GPC6: variants seen among roughly 807,000 people sequenced by gnomAD.
The protein encoded by GPC6 is glypican 6.
In GPC6, 14 loss-of-function variants were observed where a neutral mutation model predicts 55.2. The observed-to-expected ratio is 0.25, with a 90% CI of 0.17 to 0.40. The LOEUF is 0.40. Ranked by LOEUF, GPC6 falls within the 10% of genes least tolerant of loss-of-function variation. The pLI is 1.00. For synonymous variants in GPC6, 278 were observed against 259.6 expected (o/e 1.07, Z -0.68); for missense variants, 641 against 708.5 (o/e 0.90, Z 1.08).
intron 2 of GPC6, among the ~76,000 whole-genome samples, chr13:93,663,243 T>C (rs1229627193): frequency 6.6e-6 from 1 of 152,182 alleles, no homozygotes; most frequent in Non-Finnish European, 1.5e-5. Flanking sequence ...AATTTTCACA[T>C]GGAACTGTTC....
intron 2 of GPC6, among the ~76,000 whole-genome samples, chr13:93,596,151 C>A (rs1414033874): frequency 1.5e-4 from 22 of 150,944 alleles, no homozygotes; most frequent in Admixed American, 1.4e-3. Flanking sequence ...CAGACCAGGG[C>A]TAGGAGATGG....
chr13:93,313,149 T>C (rs1879131359), intron 1 of GPC6, among the ~76,000 whole-genome samples: 1 of 152,210 alleles, frequency 6.6e-6, no homozygotes, highest in Non-Finnish European at 1.5e-5. Context: ...TATTAGATGC[T>C]CTTGTTTTGT....
intron 6 of GPC6, among the ~76,000 whole-genome samples, chr13:94,364,845 A>C (rs1377682300): frequency 6.6e-6 from 1 of 152,162 alleles, no homozygotes; most frequent in Non-Finnish European, 1.5e-5. Flanking sequence ...TAATATAGGG[A>C]AGCTTACAAG....
chr13:94,357,569 C>CT (rs752003245), intron 6 of GPC6, among the ~76,000 whole-genome samples: 9 of 152,334 alleles, frequency 5.9e-5, no homozygotes, highest in Admixed American at 2.6e-4. Context: ...GCCTCCCTCG[C>CT]TCCTTGAACC....
chr13:93,694,271 T>C (rs1882367977), intron 2 of GPC6, among the ~76,000 whole-genome samples: 1 of 152,162 alleles, frequency 6.6e-6, no homozygotes, highest in African/African-American at 2.4e-5. Flanking sequence ...CAACGTGAAG[T>C]GGTGAATAGA....
At chr13:94,273,583 A>C (rs1277407818) in intron 4 of GPC6, among the ~76,000 whole-genome samples, 2 of 152,216 alleles carry the variant, frequency 1.3e-5, no homozygotes, top group Non-Finnish European at 2.9e-5. Flanking sequence ...AAGCACGTGG[A>C]ATTTAGTAAG....
chr13:93,887,662 G>A (rs1875424533), intron 3 of GPC6, among the ~76,000 whole-genome samples: 2 of 152,072 alleles, frequency 1.3e-5, no homozygotes, highest in African/African-American at 4.8e-5. Flanking sequence ...TAACAAAAGA[G>A]CCTCTGTGGG....
At chr13:93,666,114 T>C (rs1299128231) in intron 2 of GPC6, among the ~76,000 whole-genome samples, 1 of 152,190 alleles carries the variant, frequency 6.6e-6, no homozygotes, top group Non-Finnish European at 1.5e-5. Context: ...CAGGTAGCTT[T>C]CCTTACTGAA....
chr13:94,156,788 T>G (rs1887960657), intron 4 of GPC6, among the ~76,000 whole-genome samples: 1 of 152,180 alleles, frequency 6.6e-6, no homozygotes, highest in Non-Finnish European at 1.5e-5. Context: ...ACATAAAATA[T>G]ACATAGTTCT....
chr13:94,000,993 A>G (rs557605737), intron 3 of GPC6, among the ~76,000 whole-genome samples: 2 of 152,156 alleles, frequency 1.3e-5, no homozygotes, highest in Non-Finnish European at 2.9e-5. Flanking sequence ...AAATGCCACT[A>G]TTTCTGGGAA....
chr13:93,523,175 A>ATGTG (rs1566403227), intron 1 of GPC6, among the ~76,000 whole-genome samples: 2 of 146,816 alleles, frequency 1.4e-5, no homozygotes, highest in South Asian at 2.2e-4. Flanking sequence ...ATATATACAC[A>ATGTG]TACATATACA....
chr13:93,991,121 A>G (rs578191700), intron 3 of GPC6, among the ~76,000 whole-genome samples: 30 of 152,274 alleles, frequency 2.0e-4, no homozygotes, highest in Admixed American at 1.7e-3. Context: ...ATAGTTGTGC[A>G]TTCTCATCTG....
intron 4 of GPC6, among the ~76,000 whole-genome samples, chr13:94,047,313 AGAAAGGGG>A (rs1282362570): frequency 6.6e-6 from 1 of 152,058 alleles, no homozygotes; most frequent in Non-Finnish European, 1.5e-5. Context: ...GATGAGTGGG[AGAAAGGGG>A]GATCTCAGCC....
At chr13:93,474,862 G>A (rs1879248764) in intron 1 of GPC6, among the ~76,000 whole-genome samples, 1 of 152,146 alleles carries the variant, frequency 6.6e-6, no homozygotes, top group Non-Finnish European at 1.5e-5. Context: ...CCATCAGTGT[G>A]ATTTAAATTA....
chr13:93,526,079 T>G (rs1486240037), intron 1 of GPC6, among the ~76,000 whole-genome samples: 2 of 152,126 alleles, frequency 1.3e-5, no homozygotes, highest in African/African-American at 4.8e-5. Context: ...ATGAAGACAC[T>G]TGTTCAGCAT....
chr13:94,238,637 TGCTGAA>T (rs1260461768), intron 4 of GPC6, among the ~76,000 whole-genome samples: 11 of 152,278 alleles, frequency 7.2e-5, no homozygotes, highest in African/African-American at 2.6e-4. Flanking sequence ...TTCAATCATA[TGCTGAA>T]TTTTGAAGCC....
intron 2 of GPC6, among the ~76,000 whole-genome samples, chr13:93,662,746 A>T (rs16949090): frequency 0.041 from 6,194 of 152,244 alleles, 431 homozygotes; most frequent in African/African-American, 0.14. Context: ...CCAAGCAGCA[A>T]TTCCCTATTT....
intron 2 of GPC6, among the ~76,000 whole-genome samples, chr13:93,612,883 G>A (rs1878544415): frequency 6.6e-6 from 1 of 152,082 alleles, no homozygotes; most frequent in Admixed American, 6.6e-5. Flanking sequence ...TTATTTTTAG[G>A]TGGGAGTATT....
intron 2 of GPC6, among the ~76,000 whole-genome samples, chr13:93,800,995 C>T (rs986433439): frequency 3.3e-5 from 5 of 152,172 alleles, no homozygotes; most frequent in Non-Finnish European, 7.4e-5. Flanking sequence ...ATTAAATCTG[C>T]TTCAAGTCAG....
Sources: gnomAD v4.1 joint callset for allele counts (sites outside exome capture counted in the v4.1 genomes callset) on GRCh38, gnomAD v4.1.1 for gene constraint, MANE v1.5 for transcripts, NCBI Gene and HGNC (gene_info 2026-07-23, HGNC 2026-07-21) for gene names.